Variants in SAMD12 observed in about 807,000 individuals in gnomAD.
The protein encoded by SAMD12 is sterile alpha motif domain containing 12, also known as sterile alpha motif domain-containing protein 12.
A neutral mutation model predicts 15.0 loss-of-function variants in SAMD12; 9 were observed. The ratio of observed to expected loss-of-function variants is 0.60; its 90% CI spans 0.36 to 1.05. The LOEUF is 1.05. Ranked by LOEUF, SAMD12 falls within the 50% of genes least tolerant of loss-of-function variation. SAMD12 has a pLI of 0.01. For missense variants in SAMD12, 230 were observed against 234.2 expected, an observed-to-expected ratio of 0.98 and a Z score of 0.12; for synonymous variants, 86 against 90.1, an observed-to-expected ratio of 0.96 and a Z score of 0.25.
chr8:118,147,503 G>C, the SAMD12 span, among the ~76,000 whole-genome samples: 1 of 151,332 alleles, frequency 6.6e-6, no homozygotes, highest in South Asian at 2.1e-4. Flanking sequence ...TGGGATTACA[G>C]GTGTGTGCCA....
intron 1 of SAMD12, among the ~76,000 whole-genome samples, chr8:118,595,365 AAAAGGCT>A (rs1827698066): frequency 6.6e-6 from 1 of 152,244 alleles, no homozygotes; most frequent in South Asian, 2.1e-4. Flanking sequence ...AAACAAACAA[AAAAGGCT>A]AAAGAATCCA....
chr8:118,398,406 A>C (rs1339039684), intron 3 of SAMD12, among the ~76,000 whole-genome samples: 1 of 152,152 alleles, frequency 6.6e-6, no homozygotes, highest in East Asian at 1.9e-4. Context: ...CTCAAAAACA[A>C]AATAAAAAAA....
exon 5 of SAMD12, chr8:118,192,244 C>T (rs1281758593): frequency 2.0e-5 from 3 of 151,996 alleles, no homozygotes; most frequent in African/African-American, 7.3e-5. Context: ...TGATTAAATG[C>T]AATCATATTA....
chr8:118,135,881 CT>C, the SAMD12 span, among the ~76,000 whole-genome samples: 1 of 151,984 alleles, frequency 6.6e-6, no homozygotes, highest in African/African-American at 2.4e-5. Context: ...TTTTCTACTC[CT>C]TGGGTTCCTT....
intron 4 of SAMD12, among the ~76,000 whole-genome samples, chr8:118,230,430 A>G (rs1402896318): frequency 6.6e-6 from 1 of 152,186 alleles, no homozygotes; most frequent in Non-Finnish European, 1.5e-5. Flanking sequence ...TGATTCCTAA[A>G]CAATCCAGAG....
chr8:118,405,594 A>C (rs1241553399), intron 3 of SAMD12, among the ~76,000 whole-genome samples: 1 of 152,198 alleles, frequency 6.6e-6, no homozygotes, highest in African/African-American at 2.4e-5. Flanking sequence ...GGTTTACATA[A>C]GTGTATGCAC....
chr8:118,549,975 G>A (rs576773620), intron 2 of SAMD12, among the ~76,000 whole-genome samples: 3 of 152,078 alleles, frequency 2.0e-5, no homozygotes, highest in South Asian at 2.1e-4. Flanking sequence ...GGAAGTTTAG[G>A]GAAAAAAGAA....
At chr8:118,344,891 C>T (rs1242827152) in intron 4 of SAMD12, among the ~76,000 whole-genome samples, 3 of 152,128 alleles carry the variant, frequency 2.0e-5, no homozygotes, top group African/African-American at 4.8e-5. Context: ...ATTCTTATCA[C>T]CTAGTAACAT....
At chr8:118,214,646 T>A (rs1000427124) in intron 4 of SAMD12, among the ~76,000 whole-genome samples, 8 of 152,220 alleles carry the variant, frequency 5.3e-5, no homozygotes, top group African/African-American at 1.7e-4. Context: ...AAACTTAGTG[T>A]TTAATTTAAT....
chr8:118,398,484 T>C (rs1363370701), intron 3 of SAMD12, among the ~76,000 whole-genome samples: 2 of 152,208 alleles, frequency 1.3e-5, no homozygotes, highest in Non-Finnish European at 2.9e-5. Flanking sequence ...TCTGGATTAC[T>C]GTTTTTCCAG....
At chr8:118,455,871 T>G (rs1413656079) in intron 2 of SAMD12, among the ~76,000 whole-genome samples, 1 of 152,140 alleles carries the variant, frequency 6.6e-6, no homozygotes, top group African/African-American at 2.4e-5. Context: ...CCCAGAAATA[T>G]CTTTAGGATG....
Position 118,393,438 on chromosome 8 carries a change from C to T in SAMD12, c.323-13738G>A, listed in dbSNP as rs2130762480. On this transcript the variant is annotated intron_variant, in intron 3 of 3. Coordinates refer to ENST00000314727, the MANE Select transcript of SAMD12 (RefSeq NM_207506.3). ...TTATTTTTTCGTAGAGATAGGGTCT[C>T]CTTATGCTGCCCGGACTGATCTCAA... Among the ~76,000 whole-genome samples, 4 of 151,836 alleles carry T rather than the reference C, an allele frequency of 2.6e-5. No homozygotes were observed. The South Asian group carries it at 8.3e-4, about 32-fold the overall frequency.
At chr8:118,336,300 A>G (rs1434214317) in intron 4 of SAMD12, among the ~76,000 whole-genome samples, 1 of 152,230 alleles carries the variant, frequency 6.6e-6, no homozygotes, top group Non-Finnish European at 1.5e-5. Context: ...AACAAGCATA[A>G]TTGCTCTCTT....
chr8:118,247,876 G>A (rs549374941), intron 4 of SAMD12, among the ~76,000 whole-genome samples: 3 of 152,138 alleles, frequency 2.0e-5, no homozygotes, highest in South Asian at 4.1e-4. Flanking sequence ...TAAAAATGAA[G>A]AAAAGATTTA....
At chr8:118,565,425 C>T (rs1261071446) in intron 2 of SAMD12, among the ~76,000 whole-genome samples, 1 of 152,164 alleles carries the variant, frequency 6.6e-6, no homozygotes, top group Non-Finnish European at 1.5e-5. Flanking sequence ...GATGACAGAG[C>T]AAAGATAATA....
chr8:118,536,417 G>C (rs550958697), intron 2 of SAMD12, among the ~76,000 whole-genome samples: 1 of 148,480 alleles, frequency 6.7e-6, no homozygotes, highest in Admixed American at 6.8e-5. Context: ...TATCAGTTTA[G>C]ATTGAGCTAT....
chr8:118,503,333 G>T (rs1052793905), intron 2 of SAMD12, among the ~76,000 whole-genome samples: 1 of 152,168 alleles, frequency 6.6e-6, no homozygotes, highest in African/African-American at 2.4e-5. Context: ...AAACTTAAGT[G>T]ATTATTTCTG....
At chr8:118,519,096 C>G (rs772850291) in intron 2 of SAMD12, among the ~76,000 whole-genome samples, 3 of 152,206 alleles carry the variant, frequency 2.0e-5, no homozygotes, top group Non-Finnish European at 2.9e-5. Flanking sequence ...CTGATTTATA[C>G]TGACAAGCAA....
chr8:118,394,799 G>A (rs759741370), intron 3 of SAMD12: 2 of 152,184 alleles, frequency 1.3e-5, no homozygotes, highest in East Asian at 3.9e-4. Flanking sequence ...TATAGTGCTG[G>A]AGTTGGAAGA....
Sources: allele counts gnomAD v4.1 joint callset (sites outside exome capture counted in the v4.1 genomes callset), GRCh38; gene constraint gnomAD v4.1.1; transcripts MANE v1.5; gene names NCBI Gene and HGNC (gene_info 2026-07-23, HGNC 2026-07-21).